The following DYNC2H1 variants were observed in gnomAD, a reference collection of about 807,000 sequenced individuals.
The protein encoded by DYNC2H1 is dynein cytoplasmic 2 heavy chain 1, also known as cytoplasmic dynein 2 heavy chain 1.
A neutral mutation model predicts 570.0 loss-of-function variants in DYNC2H1; 410 were observed. The observed-to-expected ratio is 0.72, with a 90% CI of 0.66 to 0.78. DYNC2H1 has a LOEUF of 0.78. DYNC2H1 is among the 30% of genes least tolerant of loss of function. The pLI, the probability that DYNC2H1 is intolerant of heterozygous loss-of-function variation, is 0.00. For missense variants in DYNC2H1, 4,865 were observed against 5,046.4 expected (o/e 0.96, Z 1.09); for synonymous variants, 1,688 against 1,677.6 (o/e 1.01, Z -0.15).
chr11:103,284,950 A>G (rs1866287005), intron 73 of DYNC2H1, among the ~76,000 whole-genome samples: 2 of 152,198 alleles, frequency 1.3e-5, no homozygotes, highest in South Asian at 2.1e-4. Flanking sequence ...GTGTTTGGGA[A>G]AGCCTCTGAA....
At position 103,303,166 on chromosome 11, in the gene DYNC2H1, C is replaced by G; in HGVS notation, c.11169C>G (p.Ile3723Met). 1 of 1,612,494 alleles carries G rather than the reference C, an allele frequency of 6.2e-7. No individual in the cohort carries two copies. Among genetic ancestry groups the G allele is most frequent in the Non-Finnish European group, 8.5e-7 (1 of 1,178,982 alleles). Residue 3723 changes from isoleucine (I) to methionine (M), a missense_variant, in exon 76 of 89, where the codon ATC (isoleucine) becomes ATG (methionine). This residue lies in a region of DYNC2H1 where 2,401 missense variants were observed against 2,454.6 expected (regional missense o/e 0.98). Coordinates refer to ENST00000375735, the MANE Select transcript of DYNC2H1 (RefSeq NM_001377.3). ...AAGAGACACTGGAAATTGAACCCAT[C>G]TTGATAATTATTTCTCCGGGTGCTG... is the stretch of plus-strand genomic sequence containing the variant. ...LYKETLEIEP[I>M]LIIISPGADP...
At position 103,228,275 on chromosome 11, in the gene DYNC2H1, T is replaced by C. The variant is rs1375901906; in HGVS notation, c.9354-2985T>C. On this transcript the variant is annotated intron_variant, in intron 59 of 88. Coordinates refer to ENST00000375735, the MANE Select transcript of DYNC2H1 (RefSeq NM_001377.3). This position sits in a 1 kb window ranked among gnomAD's most constrained non-coding sequence, Gnocchi z 6.1. ...GTTAAAGAACCTTGTTTTGTCATAT[T>C]ACCACAATTGTTTTTCTGGTTCCTT... Among the ~76,000 whole-genome samples the C allele has an allele frequency of 1.3e-5, 2 of 152,212 alleles. No homozygotes were observed. Among genetic ancestry groups the C allele is most frequent in the African/African-American group, 4.8e-5 (2 of 41,456 alleles).
intron 82 of DYNC2H1, among the ~76,000 whole-genome samples, chr11:103,344,045 T>G (rs1939614143): frequency 1.3e-5 from 2 of 152,236 alleles, no homozygotes; most frequent in Non-Finnish European, 2.9e-5. Context: ...TCAGTGAATC[T>G]CTAGAGCAAT....
Position 103,256,335 on chromosome 11 carries a change from A to T in DYNC2H1, c.10461+95A>T. The T allele has an allele frequency of 1.6e-6, 2 of 1,248,782 alleles. No individual in the cohort carries two copies. Among genetic ancestry groups the T allele is most frequent in the South Asian group, 3.0e-5 (2 of 67,424 alleles). 77.4% of individuals were successfully genotyped at this position (1,248,782 alleles called of 1,614,324 possible). ...GTAGAATCAGGTCCTCAGGGGAAAGATGATGTGAAAAGAAAAAAGCTATTC... is the reference window on the plus strand; with the variant it reads ...GTAGAATCAGGTCCTCAGGGGAAAGTTGATGTGAAAAGAAAAAAGCTATTC... On this transcript the variant is annotated intron_variant, in intron 68 of 88. Coordinates refer to ENST00000375735, the MANE Select transcript of DYNC2H1 (RefSeq NM_001377.3). The surrounding 1 kb of genome is among the most constrained non-coding windows in gnomAD (Gnocchi z 4.0).
At chr11:103,382,222 C>T (rs924193122) in intron 83 of DYNC2H1, among the ~76,000 whole-genome samples, 35 of 152,150 alleles carry the variant, frequency 2.3e-4, no homozygotes, top group African/African-American at 7.5e-4. Flanking sequence ...TTTAAATTAC[C>T]TATATGATAA....
At chr11:103,142,442 A>G (rs1168251782) in intron 17 of DYNC2H1, among the ~76,000 whole-genome samples, 7 of 152,056 alleles carry the variant, frequency 4.6e-5, no homozygotes, top group African/African-American at 1.7e-4. Context: ...GGCTGAGGCT[A>G]ATGGATCATT....
chr11:103,356,040 A>G (rs1368319281), intron 82 of DYNC2H1, among the ~76,000 whole-genome samples: 1 of 152,212 alleles, frequency 6.6e-6, no homozygotes, highest in Non-Finnish European at 1.5e-5. Flanking sequence ...CTCCCAAAGC[A>G]TGCCAGTAGC....
intron 52 of DYNC2H1, among the ~76,000 whole-genome samples, chr11:103,206,983 G>A (rs1208376020): frequency 6.6e-6 from 1 of 151,982 alleles, no homozygotes; most frequent in Non-Finnish European, 1.5e-5. Flanking sequence ...GTGTGGTTGT[G>A]CAATCTCGGC....
chr11:103,315,487 C>T (rs536051237), intron 79 of DYNC2H1, among the ~76,000 whole-genome samples: 3 of 152,074 alleles, frequency 2.0e-5, no homozygotes, highest in Non-Finnish European at 2.9e-5. Context: ...TTTGAATGAG[C>T]GATAAGCTTA....
intron 82 of DYNC2H1, among the ~76,000 whole-genome samples, chr11:103,331,007 T>A (rs2566956): frequency 0.65 from 98,605 of 151,958 alleles, 32,024 homozygotes; most frequent in Admixed American, 0.71. Context: ...GAAGCCAGAC[T>A]AACTGCAAAT....
At chr11:103,340,844 C>G (rs1208299029) in intron 82 of DYNC2H1, among the ~76,000 whole-genome samples, 1 of 151,940 alleles carries the variant, frequency 6.6e-6, no homozygotes, top group African/African-American at 2.4e-5. Context: ...TTGATTCACT[C>G]TGCCAAGAAC....
chr11:103,154,333 A>C (rs1860706529), intron 22 of DYNC2H1, 118 bp from the exon 23 acceptor site: 1 of 767,534 alleles, frequency 1.3e-6, no homozygotes, highest in Non-Finnish European at 1.9e-6. Flanking sequence ...TATCTATTAA[A>C]CATACACAAG....
In DYNC2H1 at chr11:103,245,335, G is replaced by A. The variant is rs199656664; in HGVS notation, c.10003G>A (p.Val3335Ile). 2 of 1,582,470 alleles carry A rather than the reference G, an allele frequency of 1.3e-6. No individual in the cohort carries two copies. Among genetic ancestry groups the A allele is most frequent in the East Asian group, 2.3e-5 (1 of 43,702 alleles). Residue 3335 changes from valine (V) to isoleucine (I), a missense_variant, in exon 65 of 89, where the codon GTT becomes ATT. Around this residue, in one of 5 missense-constraint regions of DYNC2H1, gnomAD observed 2,401 missense variants for 2,454.6 expected, o/e 0.98. Transcript: ENST00000375735. This position sits in a 1 kb window ranked among gnomAD's most constrained non-coding sequence, Gnocchi z 4.5. The part of the protein sequence containing the change: ...IIQEMDGVEP[V>I]LYPLLRRDLV... The stretch of plus-strand genomic sequence containing the variant: ...ACAAGAGATGGATGGTGTAGAACCT[G>A]TTCTTTATCCATTATTGAGACGAGA...
chr11:103,111,635 G>A (rs563433952), intron 1 of DYNC2H1, among the ~76,000 whole-genome samples: 1 of 152,264 alleles, frequency 6.6e-6, no homozygotes, highest in Admixed American at 6.5e-5. Flanking sequence ...ATGGAAAGGG[G>A]TTTGGATTCG....
At chr11:103,312,920 G>C (rs995361192) in intron 79 of DYNC2H1, among the ~76,000 whole-genome samples, 2 of 152,188 alleles carry the variant, frequency 1.3e-5, no homozygotes, top group Admixed American at 6.5e-5. Flanking sequence ...GTGTTTCTTA[G>C]CTTCCCTATC....
intron 83 of DYNC2H1, among the ~76,000 whole-genome samples, chr11:103,387,584 T>C (rs2135595930): frequency 6.6e-6 from 1 of 152,354 alleles, no homozygotes; most frequent in South Asian, 2.1e-4. Context: ...CCCATGCCTA[T>C]GTCCTGAATG....
intron 12 of DYNC2H1, among the ~76,000 whole-genome samples, chr11:103,128,665 GACA>G (rs1372148629): frequency 6.6e-6 from 1 of 152,252 alleles, no homozygotes; most frequent in East Asian, 1.9e-4. Context: ...CTTGATTCCG[GACA>G]ACGTTTTCTA....
intron 84 of DYNC2H1, among the ~76,000 whole-genome samples, chr11:103,424,305 T>G (rs987495596): frequency 6.6e-6 from 1 of 152,130 alleles, no homozygotes; most frequent in African/African-American, 2.4e-5. Flanking sequence ...GCACACTAGC[T>G]TGATTGGTTT....
At chr11:103,219,287 C>T (rs1004268070) in intron 55 of DYNC2H1, among the ~76,000 whole-genome samples, 3 of 152,138 alleles carry the variant, frequency 2.0e-5, no homozygotes, top group African/African-American at 7.2e-5. Flanking sequence ...CATCAATAAT[C>T]AAGGAAATAC....
Sources: allele counts gnomAD v4.1 joint callset (sites outside exome capture counted in the v4.1 genomes callset), GRCh38; gene constraint gnomAD v4.1.1; regional missense constraint gnomAD v4.1.1; non-coding constraint Gnocchi (gnomAD v3.1); transcripts MANE v1.5; gene names NCBI Gene and HGNC (gene_info 2026-07-23, HGNC 2026-07-21).